Variants in DHX8 observed in about 807,000 individuals in gnomAD.
DHX8 encodes the protein DEAH-box helicase 8, also known as ATP-dependent RNA helicase DHX8.
DHX8 carries 67 observed loss-of-function variants against 140.7 expected under a neutral mutation model. That is an observed-to-expected ratio of 0.48 (90% confidence interval 0.39 to 0.58). The LOEUF (loss-of-function observed/expected upper bound fraction) is 0.58, where lower values mean the gene tolerates loss of function less well. Ranked by LOEUF, DHX8 falls within the 20% of genes least tolerant of loss-of-function variation. DHX8 has a pLI of 0.00. For synonymous variants in DHX8, 533 were observed against 553.2 expected (o/e 0.96, Z 0.51); for missense variants, 887 against 1,550.7 (o/e 0.57, Z 7.19).
chr17:43,538,164 C>T (rs1019030724), intron 3 of DHX8, among the ~76,000 whole-genome samples: 12 of 144,714 alleles, frequency 8.3e-5, no homozygotes, highest in African/African-American at 3.1e-4. Flanking sequence ...AAAAAATTAG[C>T]TGGACGTGGT....
chr17:43,531,460 A>T (rs552991716), downstream of DHX8, among the ~76,000 whole-genome samples: 1 of 152,196 alleles, frequency 6.6e-6, no homozygotes, highest in South Asian at 2.1e-4. Flanking sequence ...GCATACATCA[A>T]TTGGGAGGCT....
intron 1 of DHX8, among the ~76,000 whole-genome samples, chr17:43,486,319 C>A (rs1386267342): frequency 6.6e-6 from 1 of 151,634 alleles, no homozygotes; most frequent in South Asian, 2.1e-4. Flanking sequence ...GTTTTGTTTG[C>A]TGACTTGATT....
chr17:43,539,391 A>C (rs1422149528), intron 3 of DHX8, among the ~76,000 whole-genome samples: 2 of 152,024 alleles, frequency 1.3e-5, no homozygotes, highest in Non-Finnish European at 2.9e-5. Flanking sequence ...CCCCTAAACC[A>C]AAGTGGTTCC....
intron 16 of DHX8, among the ~76,000 whole-genome samples, chr17:43,511,937 T>C (rs1004833724): frequency 6.6e-6 from 1 of 151,612 alleles, no homozygotes; most frequent in South Asian, 2.1e-4. Flanking sequence ...GGAGGATCAC[T>C]TGAGCCTGGG....
chr17:43,500,343 CAG>C (rs1969113669), intron 11 of DHX8, among the ~76,000 whole-genome samples: 1 of 151,898 alleles, frequency 6.6e-6, no homozygotes, highest in Non-Finnish European at 1.5e-5. Context: ...AAAAGTTAGC[CAG>C]GCATGGTGGC....
Position 43,533,900 on chromosome 17 carries a change from C to G in DHX8, c.351-2512C>G, listed in dbSNP as rs773648385. The G allele has an allele frequency of 3.1e-6, 5 of 1,596,036 alleles. No individual in the cohort carries two copies. In the African/African-American group the frequency reaches 5.4e-5, roughly 17 times the overall value. On this transcript the variant is annotated intron_variant, in intron 2 of 3. Transcript: ENST00000589898. ...GCTCGCCATGGTGGTAGGGGAGTGG[C>G]GGCTTCCTGCTGCAGGACAGGGCCG...
chr17:43,539,765 T>G (rs1183186526), intron 3 of DHX8, among the ~76,000 whole-genome samples: 4 of 152,304 alleles, frequency 2.6e-5, no homozygotes, highest in Non-Finnish European at 5.9e-5. Flanking sequence ...TAGAGGCAGG[T>G]CCTCTCCAGG....
Position 43,490,398 on chromosome 17 carries a change from T to C in DHX8, c.242T>C (p.Leu81Pro), listed in dbSNP as rs1968438827. 1.2e-6 allele frequency: 2 copies of C among 1,613,442 alleles called. No individual in the cohort carries two copies. The highest frequency in any genetic ancestry group is 1.3e-5 in the African/African-American group (1 of 75,038). The stretch of plus-strand genomic sequence containing the variant: ...CTATGTTTCTTTTCAAAGGATTCTC[T>C]TATTAGTAACTTGCTGCGTCTCATA... ...VKNGAEFTDS[L>P]ISNLLRLIQT... Residue 81 changes from leucine to proline, a missense_variant, in exon 3 of 23, where the codon CTT becomes CCT. Physicochemically the swap from Leu to Pro is moderately conservative, Grantham distance 98. Around this residue, in one of 9 missense-constraint regions of DHX8, gnomAD observed 304 missense variants for 306.9 expected, o/e 0.99. Transcript: ENST00000262415.
At position 43,524,543 on chromosome 17, in the gene DHX8, A is replaced by G. The variant is rs3179927; in HGVS notation, c.*696A>G. 0.26 allele frequency: 252,036 copies of G among 985,750 alleles called. 32,698 individuals carry two copies. Among genetic ancestry groups the G allele is most frequent in the African/African-American group, 0.36 (20,688 of 57,160 alleles). 61.1% of individuals were successfully genotyped at this position (985,750 alleles called of 1,614,324 possible). On this transcript the variant is annotated 3_prime_UTR_variant, in exon 23 of 23. Coordinates refer to ENST00000262415, the MANE Select transcript of DHX8 (RefSeq NM_004941.3). ...ACTAGCCGGGCCGTGCTGGGGGATC[A>G]CCCGATGATCAACCATGTCCTCTCC...
chr17:43,489,039 C>G (rs1414827148), intron 1 of DHX8, among the ~76,000 whole-genome samples: 1 of 151,902 alleles, frequency 6.6e-6, no homozygotes, highest in Non-Finnish European at 1.5e-5. Flanking sequence ...GAGTCTCACT[C>G]TGTTGCCCAG....
At position 43,534,106 on chromosome 17, in the gene DHX8, C is replaced by G. The variant is rs555968957; in HGVS notation, c.351-2306C>G. The G allele has an allele frequency of 6.2e-5, 69 of 1,113,814 alleles. 2 individuals carry two copies. In the Admixed American group the frequency reaches 2.6e-3, roughly 41 times the overall value. The allele number at this position is 1,113,814 out of a possible 1,614,324, so 69.0% of individuals were successfully genotyped here. ...TGACTGGTACAGCCTCCTTCCCTCT[C>G]TGGGTATCAATTTTCTGAGACCCGC... On this transcript the variant is annotated intron_variant, in intron 2 of 3. Coordinates refer to the DHX8 transcript ENST00000589898.
At position 43,522,201 on chromosome 17, in the gene DHX8, G is replaced by A. The variant is rs1423880487; in HGVS notation, c.3418G>A (p.Ala1140Thr). 6.2e-7 allele frequency: 1 copy of A among 1,613,862 alleles called. No homozygotes were observed. The highest frequency in any genetic ancestry group is 8.5e-7 in the Non-Finnish European group (1 of 1,179,868). Reference protein sequence around the residue: ...QQVVYIHPSSALFNRQPEWVV... With the variant: ...QQVVYIHPSSTLFNRQPEWVV... ...GGTGGTCTATATCCATCCTTCCAGT[G>A]CCCTCTTCAACAGACAGCCAGAATG... is the stretch of plus-strand genomic sequence containing the variant. Residue 1140 changes from alanine to threonine, a missense_variant, in exon 22 of 23, where the codon GCC (alanine) becomes ACC (threonine). Transcript: ENST00000262415.
At chr17:43,488,102 A>C (rs1968279885) in intron 1 of DHX8, among the ~76,000 whole-genome samples, 1 of 152,086 alleles carries the variant, frequency 6.6e-6, no homozygotes, top group African/African-American at 2.4e-5. Flanking sequence ...ATATGGTGAA[A>C]TCCTGTCTGT....
rs1231865499 is a variant in DHX8 at position 43,492,169 on chromosome 17, C to G, written c.394-14C>G. 1 of 1,608,634 alleles carries G rather than the reference C, an allele frequency of 6.2e-7. No individual in the cohort carries two copies. The highest frequency in any genetic ancestry group is 8.5e-7 in the Non-Finnish European group (1 of 1,175,066). The stretch of plus-strand genomic sequence containing the variant: ...AGTTTTTTTTCCTAACTTTGCCGGC[C>G]TCTACCTCTGCAGACCATGTTGGAT... On this transcript the variant is annotated splice_polypyrimidine_tract_variant and intron_variant, in intron 4 of 22. Coordinates refer to ENST00000262415, the MANE Select transcript of DHX8 (RefSeq NM_004941.3).
Position 43,524,923 on chromosome 17 carries a change from C to G in DHX8, c.*1076C>G. On this transcript the variant is annotated 3_prime_UTR_variant, in exon 23 of 23. Coordinates refer to ENST00000262415, the MANE Select transcript of DHX8 (RefSeq NM_004941.3). ...TAGCACTTGCTTGGAGAATAGCCAC[C>G]TCCTTGTGCCCTCCTCACAGCTCCT... 1.0e-6 allele frequency: 1 copy of G among 985,042 alleles called. No homozygotes were observed. Among genetic ancestry groups the G allele is most frequent in the Non-Finnish European group, 1.2e-6 (1 of 829,880 alleles). 61.0% of individuals were successfully genotyped at this position (985,042 alleles called of 1,614,324 possible). A position where few individuals can be genotyped will look rare whatever the true frequency, so the allele number is the denominator to read the frequency against.
chr17:43,500,248 G>T (rs773033484), intron 11 of DHX8, 145 bp downstream of exon 11: 1 of 862,920 alleles, frequency 1.2e-6, no homozygotes, highest in Non-Finnish European at 1.7e-6. Flanking sequence ...ACTTTGGGAG[G>T]CCAAGGCAGG....
chr17:43,505,569 A>G lies in DHX8; in HGVS notation c.1728+744A>G, dbSNP rs1969449471. Among the ~76,000 whole-genome samples the G allele has an allele frequency of 1.3e-5, 2 of 152,012 alleles. 1 individual carries two copies. The highest frequency in any genetic ancestry group is 4.2e-4 in the South Asian group (2 of 4,812). On this transcript the variant is annotated intron_variant, in intron 12 of 22. Coordinates refer to ENST00000262415, the MANE Select transcript of DHX8 (RefSeq NM_004941.3). ...GGGCGACCAAGTGAGACCCCATATCACAAATGTTTGTGTGTGCGTGTACAG... is the reference window on the plus strand; with the variant it reads ...GGGCGACCAAGTGAGACCCCATATCGCAAATGTTTGTGTGTGCGTGTACAG...
chr17:43,539,395 T>G (rs956749129), intron 3 of DHX8, among the ~76,000 whole-genome samples: 1 of 152,166 alleles, frequency 6.6e-6, no homozygotes, highest in Non-Finnish European at 1.5e-5. Flanking sequence ...TAAACCAAAG[T>G]GGTTCCTCCT....
At chr17:43,529,744 C>A, downstream of DHX8, 1 of 1,590,744 alleles carries the variant, frequency 6.3e-7, no homozygotes, top group Non-Finnish European at 8.6e-7. Flanking sequence ...CGCCTCCCAC[C>A]CGAGGGATTT....
Sources: allele counts gnomAD v4.1 joint callset (sites outside exome capture counted in the v4.1 genomes callset), GRCh38; gene constraint gnomAD v4.1.1; regional missense constraint gnomAD v4.1.1; transcripts MANE v1.5; gene names NCBI Gene and HGNC (gene_info 2026-07-23, HGNC 2026-07-21).